The following SBNO2 variants were observed in gnomAD, a reference collection of about 807,000 sequenced individuals.
The protein encoded by SBNO2 is strawberry notch homolog 2, also known as protein strawberry notch homolog 2.
A neutral mutation model predicts 146.3 loss-of-function variants in SBNO2; 89 were observed. The observed-to-expected ratio is 0.61, with a 90% CI of 0.51 to 0.73. The LOEUF (loss-of-function observed/expected upper bound fraction) is 0.73. SBNO2 is among the 30% of genes least tolerant of loss of function. The pLI, the probability that SBNO2 is intolerant of heterozygous loss-of-function variation, is 0.00. For missense variants in SBNO2, 2,092 were observed against 2,003.7 expected, an observed-to-expected ratio of 1.04 and a Z score of -0.84; for synonymous variants, 1,147 against 892.6, an observed-to-expected ratio of 1.29 and a Z score of -5.08.
At chr19:1,146,835 G>T (rs966732120) in intron 4 of SBNO2, among the ~76,000 whole-genome samples, 1 of 151,576 alleles carries the variant, frequency 6.6e-6, no homozygotes, top group Non-Finnish European at 1.5e-5. Context: ...GCCTGATGCC[G>T]CAGTGGGAGG....
intron 1 of SBNO2, among the ~76,000 whole-genome samples, chr19:1,164,806 G>GAAC (rs2080392609): frequency 6.7e-4 from 1 of 1,500 alleles, no homozygotes; most frequent in Non-Finnish European, 1.4e-3. Context: ...GGAGGAGGAG[G>GAAC]AGGAGGAGCA....
rs1489390971 is a variant in SBNO2, at chr19:1,112,291, G to A, written c.2526C>T (p.His842=). 8.8e-6 allele frequency: 14 copies of A among 1,584,964 alleles called. No homozygotes were observed. The highest frequency in any genetic ancestry group is 5.7e-5 in the South Asian group (5 of 87,506). Residue 842 remains histidine (H), a synonymous_variant, in exon 22 of 32, where the codon CAC becomes CAT. Coordinates refer to ENST00000361757, the MANE Select transcript of SBNO2 (RefSeq NM_014963.3). The surrounding 1 kb of genome is among the most constrained non-coding windows in gnomAD (Gnocchi z 5.9). ...CTGGCGCGGAGACCTGGTTGGACCG[G>A]TGGGTGCGGCCTGGGGGCAGAGCTG... ...DRAIQQFGRT[H]RSNQVSAPEY... is the part of the protein sequence containing the mutation.
intron 15 of SBNO2, 38 bp downstream of exon 15, chr19:1,117,283 GCC>G (rs983438914): frequency 3.3e-6 from 5 of 1,527,074 alleles, no homozygotes; most frequent in Non-Finnish European, 2.6e-6. Context: ...GCCCCTGCAG[GCC>G]CGGCCGCCCT....
At position 1,112,808 on chromosome 19, in the gene SBNO2, A is replaced by C; in HGVS notation, c.2379+10T>G. 6.4e-7 allele frequency: 1 copy of C among 1,563,526 alleles called. No homozygotes were observed. The highest frequency in any genetic ancestry group is 8.7e-7 in the Non-Finnish European group (1 of 1,155,902). ...CCGTGGGCCGCGCCCAGTGCACTGC[A>C]GCCCCGCACCTTCTCGCCGCTCATG... On this transcript the variant is annotated intron_variant, in intron 20 of 31. Coordinates refer to ENST00000361757, the MANE Select transcript of SBNO2 (RefSeq NM_014963.3). This position sits in a 1 kb window ranked among gnomAD's most constrained non-coding sequence, Gnocchi z 5.9.
At chr19:1,146,041 G>C (rs897904722) in intron 4 of SBNO2, among the ~76,000 whole-genome samples, 6 of 152,074 alleles carry the variant, frequency 3.9e-5, no homozygotes, top group African/African-American at 1.4e-4. Flanking sequence ...GGGGCTCCAG[G>C]AGAAACTGAC....
In SBNO2 at chr19:1,109,599, C is replaced by G. The variant is rs2079728426; in HGVS notation, c.3124-1G>C. 1 of 1,579,314 alleles carries G rather than the reference C, an allele frequency of 6.3e-7. No individual in the cohort carries two copies. The highest frequency in any genetic ancestry group is 8.6e-7 in the Non-Finnish European group (1 of 1,164,016). On this transcript the variant is annotated splice_acceptor_variant, in intron 27 of 31. Transcript: ENST00000361757. LOFTEE classifies it high-confidence loss of function. The surrounding 1 kb of genome is among the most constrained non-coding windows in gnomAD (Gnocchi z 4.2). ...ACTTCAGGCCGCGGTCCACGCTGATCTGCCACGGCACGGGGTGGGGGGGTG... is the reference window on the plus strand; with the variant it reads ...ACTTCAGGCCGCGGTCCACGCTGATGTGCCACGGCACGGGGTGGGGGGGTG...
chr19:1,132,201 CGCGGCAGCAGCCCCAGCATTGG>C (rs1236499824), intron 4 of SBNO2: 1 of 1,361,490 alleles, frequency 7.3e-7, no homozygotes, highest in African/African-American at 1.5e-5. Context: ...CCCTCATGAC[CGCGGCAGCAGCCCCAGCATTGG>C]GTCGGCCGGG....
At chr19:1,149,509 T>A in intron 2 of SBNO2, 67 bp from the exon 3 acceptor site, 1 of 1,442,328 alleles carries the variant, frequency 6.9e-7, no homozygotes, top group Non-Finnish European at 9.5e-7. Flanking sequence ...GGCTAAGCCC[T>A]CCGGGCAGGG....
chr19:1,113,645 G>C lies in SBNO2; in HGVS notation c.2137C>G (p.Arg713Gly), dbSNP rs751139451. ...HGPGVLERVE[R>G]LKQDLLDKVR... ...TTGTCCAGCAGATCCTGCTTCAGCC[G>C]CTCCACCCGCTCCAGGACCCCGGGG... is the stretch of plus-strand genomic sequence containing the variant. The change falls in exon 19 of 32, where the codon CGG (arginine) becomes GGG (glycine). Residue 713 changes from arginine (R) to glycine (G), a missense_variant. By Grantham distance (125) the Arg-to-Gly change is moderately radical. Transcript: ENST00000361757. The C allele has an allele frequency of 8.1e-6, 13 of 1,597,386 alleles. No individual in the cohort carries two copies. The highest frequency in any genetic ancestry group is 7.7e-6 in the Non-Finnish European group (9 of 1,173,350).
chr19:1,119,823 G>A (rs759623807), intron 12 of SBNO2, 83 bp downstream of exon 12: 34 of 1,111,782 alleles, frequency 3.1e-5, no homozygotes, highest in Non-Finnish European at 4.1e-5. Context: ...GGCTGAGTAC[G>A]CGTGTGGGAT....
At position 1,126,209 on chromosome 19, in the gene SBNO2, T is replaced by A. The variant is rs2079963790; in HGVS notation, c.441+1395A>T. On this transcript the variant is annotated intron_variant, in intron 5 of 31. Transcript: ENST00000361757. This position sits in a 1 kb window ranked among gnomAD's most constrained non-coding sequence, Gnocchi z 4.4. ...AACACTAGGAACACTCCTGAGGGTT[T>A]TTAAAGAAAGTGGAAGCGTGGCACA... Among the ~76,000 whole-genome samples the A allele has an allele frequency of 6.6e-6, 1 of 152,010 alleles. No individual in the cohort carries two copies. The highest frequency in any genetic ancestry group is 1.5e-5 in the Non-Finnish European group (1 of 67,994).
rs2079970970 is a variant in SBNO2 at position 1,126,828 on chromosome 19, G to T, written c.441+776C>A. On this transcript the variant is annotated intron_variant, in intron 5 of 31. Transcript: ENST00000361757. This position sits in a 1 kb window ranked among gnomAD's most constrained non-coding sequence, Gnocchi z 4.4. ...GTGGACAGGCCCGGATTGGGGAAGGGACTTGCCAGGCCTGGCTCCCAGCCA... is the reference window on the plus strand; with the variant it reads ...GTGGACAGGCCCGGATTGGGGAAGGTACTTGCCAGGCCTGGCTCCCAGCCA... 6.6e-6 allele frequency among the ~76,000 whole-genome samples: 1 copy of T among 152,196 alleles called. No homozygotes were observed. Among genetic ancestry groups the T allele is most frequent in the African/African-American group, 2.4e-5 (1 of 41,454 alleles).
At chr19:1,139,749 C>T (rs758716556) in intron 4 of SBNO2, among the ~76,000 whole-genome samples, 3 of 151,508 alleles carry the variant, frequency 2.0e-5, no homozygotes, top group Non-Finnish European at 4.4e-5. Flanking sequence ...GAGCTGAGAT[C>T]GTGCCATTGC....
At chr19:1,124,100 G>C (rs2079937861) in intron 5 of SBNO2, 78 bp from the exon 6 acceptor site, 2 of 1,376,148 alleles carry the variant, frequency 1.5e-6, no homozygotes, top group South Asian at 1.2e-5. Context: ...CTGGCCACCA[G>C]AGGGAGGCTC....
chr19:1,157,408 G>GGCCCCGAAGACGCTCTCCCCACGCA lies in SBNO2; in HGVS notation c.-126-3007_-126-3006insTGCGTGGGGAGAGCGTCTTCGGGGC, dbSNP rs1555727472. Among the ~76,000 whole-genome samples, 6,802 of 147,222 alleles carry GGCCCCGAAGACGCTCTCCCCACGCA rather than the reference G, an allele frequency of 0.046. 328 individuals are homozygous for GGCCCCGAAGACGCTCTCCCCACGCA. The highest frequency in any genetic ancestry group is 0.22 in the East Asian group (1,096 of 4,978). On this transcript the variant is annotated intron_variant, in intron 1 of 31. Coordinates refer to ENST00000361757, the MANE Select transcript of SBNO2 (RefSeq NM_014963.3). The surrounding 1 kb of genome is among the most constrained non-coding windows in gnomAD (Gnocchi z 6.8). ...AGCCCCGGAGACGCTCTCCCCACGCGGCCCCGGAGACCCTCTCCCCACGCG... is the reference window on the plus strand; with the variant it reads ...AGCCCCGGAGACGCTCTCCCCACGCGGCCCCGAAGACGCTCTCCCCACGCAGCCCCGGAGACCCTCTCCCCACGCG...
In SBNO2 at chr19:1,111,599, G is replaced by A. The variant is rs760533823; in HGVS notation, c.2716C>T (p.Leu906=). ...AGGATGGTGGTGAGGACACAGTGCA[G>A]GGCCCGGGTGCCATACTAGGGGGAG... ...NFENKYGTRA[L]HCVLTTILSQ... Residue 906 remains leucine (L), a synonymous_variant, in exon 24 of 32, where the codon CTG becomes TTG. Coordinates refer to ENST00000361757, the MANE Select transcript of SBNO2 (RefSeq NM_014963.3). 10 of 1,587,878 alleles carry A rather than the reference G, an allele frequency of 6.3e-6. No individual in the cohort carries two copies. The highest frequency in any genetic ancestry group is 5.8e-5 in the South Asian group (5 of 86,948).
In SBNO2 at chr19:1,117,488, G is replaced by A. The variant is rs750456705; in HGVS notation, c.1539C>T (p.Ala513=). The A allele has an allele frequency of 1.8e-5, 28 of 1,581,054 alleles. No homozygotes were observed. Among genetic ancestry groups the A allele is most frequent in the Non-Finnish European group, 1.7e-6 (2 of 1,165,410 alleles). The change falls in exon 15 of 32, where the codon GCC becomes GCT. Residue 513 remains alanine, a synonymous_variant. Transcript: ENST00000361757. Reference sequence around the variant, plus strand: ...CGGCCGCCTGCTGGAACACGTTCAGGGCCTCGGCCCACTGCAATGACACGT... The same window carrying A: ...CGGCCGCCTGCTGGAACACGTTCAGAGCCTCGGCCCACTGCAATGACACGT... ...YNRAALLWAE[A]LNVFQQAADW...
intron 4 of SBNO2, among the ~76,000 whole-genome samples, chr19:1,130,722 G>A (rs2080018628): frequency 6.6e-6 from 1 of 152,092 alleles, no homozygotes; most frequent in Non-Finnish European, 1.5e-5. Flanking sequence ...AACCCAGTTG[G>A]TGGAGGTTGC....
chr19:1,164,094 T>A (rs1483388064), intron 1 of SBNO2, among the ~76,000 whole-genome samples: 1 of 152,172 alleles, frequency 6.6e-6, no homozygotes, highest in Admixed American at 6.5e-5. Flanking sequence ...GCCCCTCTCC[T>A]GGGAGGGCTC....
Sources: allele counts gnomAD v4.1 joint callset (sites outside exome capture counted in the v4.1 genomes callset), GRCh38; gene constraint gnomAD v4.1.1; non-coding constraint Gnocchi (gnomAD v3.1); transcripts MANE v1.5; gene names NCBI Gene and HGNC (gene_info 2026-07-23, HGNC 2026-07-21).